Variants in ELMO1 observed in about 807,000 individuals in gnomAD.
ELMO1 encodes engulfment and cell motility protein 1.
ELMO1 carries 26 observed loss-of-function variants against 98.9 expected under a neutral mutation model. The ratio of observed to expected loss-of-function variants is 0.26; its 90% confidence interval spans 0.19 to 0.36. ELMO1 has a LOEUF of 0.36. Among genes scored for constraint, ELMO1 ranks in the 10% least tolerant of loss-of-function variants. The probability of loss-of-function intolerance (pLI) is 1.00; values close to 1 mark genes in which losing one functional copy is unlikely to be tolerated. For synonymous variants in ELMO1, 346 were observed against 346.0 expected (o/e 1.00, Z 0.00); for missense variants, 627 against 935.2 (o/e 0.67, Z 4.30).
rs537388417 is a variant in ELMO1 at position 37,092,366 on chromosome 7, C to CTTTTTTT, written c.1300+4246_1300+4252dup. On this transcript the variant is annotated intron_variant, in intron 15 of 21. Coordinates refer to ENST00000310758, the MANE Select transcript of ELMO1 (RefSeq NM_014800.11). ...ACTTGCAAAAAAAATTACCCATATT[C>CTTTTTTT]TTTTTTTTTTTTTTTTTTTTTTTTT... 9.4e-4 allele frequency among the ~76,000 whole-genome samples: 65 copies of CTTTTTTT among 68,914 alleles called. 3 individuals carry two copies. The highest frequency in any genetic ancestry group is 1.9e-3 in the African/African-American group (41 of 21,966). The allele number at this position is 68,914 out of a possible 152,430, so 45.2% of individuals were successfully genotyped here. A position where few individuals can be genotyped will look rare whatever the true frequency, so the allele number is the denominator to read the frequency against.
intron 10 of ELMO1, among the ~76,000 whole-genome samples, chr7:37,222,211 G>C (rs2130533147): frequency 6.6e-6 from 1 of 152,330 alleles, no homozygotes; most frequent in East Asian, 1.9e-4. Context: ...TCTGTTTCCT[G>C]ATACAGAAAA....
intron 13 of ELMO1, among the ~76,000 whole-genome samples, chr7:37,185,947 C>G (rs996224611): frequency 1.3e-5 from 2 of 152,140 alleles, no homozygotes; most frequent in African/African-American, 4.8e-5. Flanking sequence ...CTGACTTCTG[C>G]GTAGAAATCA....
At chr7:37,084,180 G>A (rs934450535) in intron 15 of ELMO1, among the ~76,000 whole-genome samples, 11 of 152,100 alleles carry the variant, frequency 7.2e-5, no homozygotes, top group Admixed American at 5.2e-4. Flanking sequence ...GAGGAGGAGC[G>A]GGAGGGAGAG....
intron 1 of ELMO1, among the ~76,000 whole-genome samples, chr7:37,365,159 T>G (rs1455526879): frequency 6.6e-6 from 1 of 152,200 alleles, no homozygotes; most frequent in Admixed American, 6.5e-5. Context: ...CATTTCCACT[T>G]TGTGTTTTAA....
intron 2 of ELMO1, among the ~76,000 whole-genome samples, chr7:37,316,773 G>T (rs186874360): frequency 1.3e-5 from 2 of 152,302 alleles, no homozygotes; most frequent in African/African-American, 4.8e-5. Flanking sequence ...ATGAGGAAGA[G>T]AAGATGAGAA....
chr7:37,108,818 GGT>G (rs1294329155), intron 14 of ELMO1, among the ~76,000 whole-genome samples: 1 of 152,130 alleles, frequency 6.6e-6, no homozygotes, highest in African/African-American at 2.4e-5. Context: ...TCTGGCCTCT[GGT>G]GAGGCTGGCA....
intron 1 of ELMO1, among the ~76,000 whole-genome samples, chr7:37,402,215 C>T (rs1432951734): frequency 6.6e-6 from 1 of 152,070 alleles, no homozygotes; most frequent in African/African-American, 2.4e-5. Flanking sequence ...TTACAAGTGG[C>T]TCCAGCAATA....
intron 15 of ELMO1, among the ~76,000 whole-genome samples, chr7:37,085,540 T>C (rs1783718501): frequency 1.3e-5 from 2 of 152,186 alleles, no homozygotes; most frequent in African/African-American, 4.8e-5. Context: ...TCATGCTGCC[T>C]TCCATACTAA....
chr7:37,155,503 A>AAAATAAAAAAAAT lies in ELMO1; in HGVS notation c.1087-22270_1087-22269insATTTTTTTTATTT, dbSNP rs1554427528. On this transcript the variant is annotated intron_variant, in intron 13 of 21. Transcript: ENST00000310758. ...AACGGAAAGCAAAAAAAAAAAAAAAAAAAAAGCAGGTGTTGCAATCCTGGT... is the reference window on the plus strand; with the variant it reads ...AACGGAAAGCAAAAAAAAAAAAAAAAAAATAAAAAAAATAAAAAGCAGGTGTTGCAATCCTGGT... 8.4e-4 allele frequency among the ~76,000 whole-genome samples: 111 copies of AAAATAAAAAAAAT among 131,780 alleles called. 2 individuals are homozygous for AAAATAAAAAAAAT. The highest frequency in any genetic ancestry group is 1.4e-3 in the Admixed American group (18 of 12,578). The allele number at this position is 131,780 out of a possible 152,430, so 86.5% of individuals were successfully genotyped here.
chr7:37,441,000 CA>C lies in ELMO1; in HGVS notation c.-74+7674del, dbSNP rs201646447. On this transcript the variant is annotated intron_variant, in intron 1 of 21. Coordinates refer to ENST00000310758, the MANE Select transcript of ELMO1 (RefSeq NM_014800.11). ...GCATTTGGGCTAAAGAGACCAAAAA[CA>C]AAAAAAAAATTATTTTGAAATGGAT... 1.3e-3 allele frequency among the ~76,000 whole-genome samples: 189 copies of C among 147,182 alleles called. 1 individual carries two copies. The highest frequency in any genetic ancestry group is 4.1e-3 in the African/African-American group (164 of 40,086).
chr7:37,371,739 A>T (rs2249833), intron 1 of ELMO1, among the ~76,000 whole-genome samples: 149,678 of 152,294 alleles, frequency 0.98, 73,619 homozygotes, highest in East Asian at 1. Context: ...ATAACAGCAG[A>T]CTCTCCTGGT....
chr7:36,931,371 G>A (rs139284814), intron 16 of ELMO1, among the ~76,000 whole-genome samples: 1,886 of 152,272 alleles, frequency 0.012, 34 homozygotes, highest in African/African-American at 0.042. Flanking sequence ...AAGCTGAGGC[G>A]GGTGGATCAC....
At chr7:37,019,795 T>A in intron 15 of ELMO1, among the ~76,000 whole-genome samples, 1 of 152,234 alleles carries the variant, frequency 6.6e-6, no homozygotes, top group East Asian at 1.9e-4. Context: ...TACTTTATTT[T>A]AAAAACCCAA....
chr7:37,365,251 T>C (rs1011274105), intron 1 of ELMO1, among the ~76,000 whole-genome samples: 10 of 152,012 alleles, frequency 6.6e-5, no homozygotes, highest in African/African-American at 2.2e-4. Flanking sequence ...AAAAGGACAC[T>C]GGAAAATAAA....
intron 4 of ELMO1, among the ~76,000 whole-genome samples, chr7:37,272,609 A>G (rs1796625692): frequency 6.6e-6 from 1 of 151,944 alleles, no homozygotes; most frequent in Non-Finnish European, 1.5e-5. Context: ...CAGGAGGCAG[A>G]GGTTGCAGTG....
chr7:37,180,221 A>G (rs1790759646), intron 13 of ELMO1, among the ~76,000 whole-genome samples: 1 of 152,086 alleles, frequency 6.6e-6, no homozygotes, highest in Non-Finnish European at 1.5e-5. Context: ...AGCCCACAGA[A>G]TTGGGACAGC....
intron 1 of ELMO1, among the ~76,000 whole-genome samples, chr7:37,438,309 C>T (rs1005105290): frequency 2.6e-5 from 4 of 151,700 alleles, no homozygotes; most frequent in Non-Finnish European, 5.9e-5. Context: ...TGAATCGGGC[C>T]GGGCGCGGTG....
intron 13 of ELMO1, among the ~76,000 whole-genome samples, chr7:37,183,322 G>T (rs1014897442): frequency 6.6e-6 from 1 of 152,218 alleles, no homozygotes; most frequent in African/African-American, 2.4e-5. Context: ...TAAACATTCT[G>T]CCAGTGTATG....
intron 16 of ELMO1, among the ~76,000 whole-genome samples, chr7:36,911,628 C>T (rs912540803): frequency 6.6e-6 from 1 of 152,126 alleles, no homozygotes; most frequent in African/African-American, 2.4e-5. Context: ...TATGGGAATA[C>T]ATGGGTAACA....
Sources: gnomAD v4.1 joint callset for allele counts (sites outside exome capture counted in the v4.1 genomes callset) on GRCh38, gnomAD v4.1.1 for gene constraint, MANE v1.5 for transcripts, NCBI Gene and HGNC (gene_info 2026-07-23, HGNC 2026-07-21) for gene names.